The following ATAD2B variants were observed in gnomAD, a reference collection of about 807,000 sequenced individuals.
ATAD2B encodes ATPase family AAA domain-containing protein 2B.
In ATAD2B, 40 loss-of-function variants were observed where a neutral mutation model predicts 167.6. That is an observed-to-expected ratio of 0.24 (90% CI 0.19 to 0.31). ATAD2B has a LOEUF of 0.31. Ranked by LOEUF, ATAD2B falls within the 10% of genes least tolerant of loss-of-function variation. The pLI, the probability that ATAD2B is intolerant of heterozygous loss-of-function variation, is 1.00. For missense variants in ATAD2B, 1,242 were observed against 1,757.2 expected (o/e 0.71, Z 5.24); for synonymous variants, 579 against 596.5 (o/e 0.97, Z 0.43).
At chr2:23,753,585 C>A (rs1386922076) in intron 27 of ATAD2B, among the ~76,000 whole-genome samples, 1 of 152,144 alleles carries the variant, frequency 6.6e-6, no homozygotes, top group African/African-American at 2.4e-5. Flanking sequence ...CATATTTATA[C>A]AGGAAGAATT....
At chr2:23,693,417 G>A in the ATAD2B span, 2 of 1,551,710 alleles carry the variant, frequency 1.3e-6, no homozygotes, top group East Asian at 2.4e-5. Flanking sequence ...GCATCTCCAA[G>A]GACGACTTCA....
intron 16 of ATAD2B, among the ~76,000 whole-genome samples, chr2:23,820,350 T>C (rs1008660210): frequency 1.3e-5 from 2 of 152,156 alleles, no homozygotes; most frequent in African/African-American, 4.8e-5. Flanking sequence ...GAAGTCTTAG[T>C]GTAGTTAAGA....
chr2:23,776,968 G>A (rs970434964), intron 22 of ATAD2B, among the ~76,000 whole-genome samples: 2 of 152,144 alleles, frequency 1.3e-5, no homozygotes, highest in South Asian at 2.1e-4. Context: ...AAATATGACT[G>A]TATTTGGAGA....
chr2:23,818,670 C>G (rs924855235), intron 17 of ATAD2B, among the ~76,000 whole-genome samples: 1 of 152,076 alleles, frequency 6.6e-6, no homozygotes, highest in Non-Finnish European at 1.5e-5. Context: ...TAAATTTGTT[C>G]AAAATATTAA....
chr2:23,879,316 A>C (rs1697501886), intron 7 of ATAD2B, among the ~76,000 whole-genome samples: 1 of 152,138 alleles, frequency 6.6e-6, no homozygotes, highest in Non-Finnish European at 1.5e-5. Context: ...AAAGAAAAAA[A>C]AAAAGGAATA....
intron 18 of ATAD2B, among the ~76,000 whole-genome samples, chr2:23,799,585 A>AAG (rs1683156349): frequency 6.8e-6 from 1 of 146,866 alleles, no homozygotes; most frequent in Admixed American, 6.7e-5. Flanking sequence ...AAAAAAAAAA[A>AAG]AAAAGAAAAG....
chr2:23,760,596 G>A (rs1304853389), intron 24 of ATAD2B, among the ~76,000 whole-genome samples: 9 of 151,492 alleles, frequency 5.9e-5, no homozygotes, highest in East Asian at 3.9e-4. Context: ...CTGAGGAGGC[G>A]GAGGTTGCAG....
intron 13 of ATAD2B, among the ~76,000 whole-genome samples, chr2:23,838,868 G>A (rs912204659): frequency 1.3e-5 from 2 of 152,056 alleles, no homozygotes; most frequent in African/African-American, 4.8e-5. Context: ...TTAACCCTAA[G>A]AGGCCTTAAT....
At chr2:23,705,496 A>G in the ATAD2B span, among the ~76,000 whole-genome samples, 3,140 of 152,256 alleles carry the variant, frequency 0.021, 122 homozygotes, top group African/African-American at 0.072. Flanking sequence ...GTCTCAAAAA[A>G]AAAAAAAGAA....
At chr2:23,883,910 G>A (rs2339884) in intron 6 of ATAD2B, among the ~76,000 whole-genome samples, 550 of 152,228 alleles carry the variant, frequency 3.6e-3, no homozygotes, top group Middle Eastern at 0.01. Flanking sequence ...TTGGGAGGCC[G>A]AAGCGGGTGG....
At chr2:23,700,208 C>G in the ATAD2B span, among the ~76,000 whole-genome samples, 1 of 152,198 alleles carries the variant, frequency 6.6e-6, no homozygotes, top group Non-Finnish European at 1.5e-5. This position sits in a 1 kb window ranked among gnomAD's most constrained non-coding sequence, Gnocchi z 4.6. Flanking sequence ...AAACATTCCC[C>G]TTAAAAATTA....
intron 12 of ATAD2B, among the ~76,000 whole-genome samples, chr2:23,858,489 CTT>C (rs34177847): frequency 2.5e-4 from 34 of 134,382 alleles, no homozygotes; most frequent in Middle Eastern, 3.8e-3. Context: ...CTGTCTCATT[CTT>C]TTTTTTTTTT....
the ATAD2B span, among the ~76,000 whole-genome samples, chr2:23,740,036 C>A: frequency 2.0e-5 from 3 of 152,104 alleles, no homozygotes; most frequent in Non-Finnish European, 4.4e-5. Flanking sequence ...CAATAACAGG[C>A]TCTGAAATTG....
chr2:23,925,860 C>T (rs1042767684), intron 1 of ATAD2B, among the ~76,000 whole-genome samples: 1 of 152,148 alleles, frequency 6.6e-6, no homozygotes, highest in Admixed American at 6.6e-5. Flanking sequence ...CGAAACATTC[C>T]ACTTGTTTCT....
At chr2:23,905,925 G>T (rs1701414320) in intron 1 of ATAD2B, among the ~76,000 whole-genome samples, 3 of 152,210 alleles carry the variant, frequency 2.0e-5, no homozygotes, top group African/African-American at 7.2e-5. Flanking sequence ...AAATAGTGCT[G>T]ATAGTATTGG....
At chr2:23,889,266 C>G (rs1699127309) in intron 2 of ATAD2B, among the ~76,000 whole-genome samples, 1 of 152,026 alleles carries the variant, frequency 6.6e-6, no homozygotes, top group Admixed American at 6.5e-5. Context: ...CTCCCAGGCT[C>G]AAGTGATTCT....
At chr2:23,732,728 A>G in the ATAD2B span, among the ~76,000 whole-genome samples, 1 of 152,312 alleles carries the variant, frequency 6.6e-6, no homozygotes, top group Non-Finnish European at 1.5e-5. Context: ...GATCTGCTGG[A>G]ATAAAATACT....
At chr2:23,838,471 G>T (rs537988590) in intron 13 of ATAD2B, among the ~76,000 whole-genome samples, 45 of 151,902 alleles carry the variant, frequency 3.0e-4, no homozygotes, top group African/African-American at 1.1e-3. Context: ...AATCTGAATG[G>T]CCAACCCTTG....
At chr2:23,890,078 G>T (rs1699260392) in intron 2 of ATAD2B, among the ~76,000 whole-genome samples, 1 of 151,892 alleles carries the variant, frequency 6.6e-6, no homozygotes, top group South Asian at 2.1e-4. Flanking sequence ...AGCCAGGCGT[G>T]GTGGCAGGCA....
Sources: gnomAD v4.1 joint callset for allele counts (sites outside exome capture counted in the v4.1 genomes callset) on GRCh38, gnomAD v4.1.1 for gene constraint, Gnocchi (gnomAD v3.1) non-coding constraint, MANE v1.5 for transcripts, NCBI Gene and HGNC (gene_info 2026-07-23, HGNC 2026-07-21) for gene names.